Variants in LRRN2 observed in about 807,000 individuals in gnomAD.
The protein encoded by LRRN2 is leucine rich repeat neuronal 2, also known as leucine-rich repeat neuronal protein 2.
A neutral mutation model predicts 35.7 loss-of-function variants in LRRN2; 10 were observed. That is an observed-to-expected ratio of 0.28 (90% confidence interval 0.17 to 0.47). LRRN2 has a LOEUF of 0.47. Ranked by LOEUF, LRRN2 falls within the 20% of genes least tolerant of loss-of-function variation. The probability of loss-of-function intolerance (pLI) is 0.99; values close to 1 mark genes in which losing one functional copy is unlikely to be tolerated. For missense variants in LRRN2, 731 were observed against 940.3 expected, an observed-to-expected ratio of 0.78 and a Z score of 2.91; for synonymous variants, 391 against 409.6, an observed-to-expected ratio of 0.95 and a Z score of 0.55.
At chr1:204,625,521 T>G (rs1667277824) in intron 1 of LRRN2, among the ~76,000 whole-genome samples, 1 of 152,172 alleles carries the variant, frequency 6.6e-6, no homozygotes, top group Non-Finnish European at 1.5e-5. Flanking sequence ...GATCCCAACA[T>G]GCATAGGTAC....
intron 1 of LRRN2, among the ~76,000 whole-genome samples, chr1:204,631,259 T>C (rs1407494869): frequency 1.1e-4 from 3 of 28,182 alleles, no homozygotes; most frequent in Non-Finnish European, 1.3e-4. Flanking sequence ...GAGTGTTCTA[T>C]ATATATATAT....
rs138976821 is a variant in LRRN2 at position 204,678,661 on chromosome 1, C to T, written c.-227+6659G>A. ...CCGCCTCTGACTCTCCAGGCACAGC[C>T]CTGCATCCCTGCCCTTGCACCTGCT... is the stretch of plus-strand genomic sequence containing the variant. On this transcript the variant is annotated intron_variant, in intron 1 of 1. Transcript: ENST00000367177. 4.9e-3 allele frequency among the ~76,000 whole-genome samples: 743 copies of T among 152,272 alleles called. 2 individuals carry two copies. The highest frequency in any genetic ancestry group is 8.4e-3 in the Non-Finnish European group (571 of 68,018).
intron 1 of LRRN2, among the ~76,000 whole-genome samples, chr1:204,645,571 C>A (rs1668086848): frequency 6.6e-6 from 1 of 152,150 alleles, no homozygotes; most frequent in Non-Finnish European, 1.5e-5. Context: ...GCAGGTATTA[C>A]CATCTCCATG....
chr1:204,643,234 G>C (rs953661217), intron 1 of LRRN2, among the ~76,000 whole-genome samples: 3 of 152,210 alleles, frequency 2.0e-5, no homozygotes, highest in Non-Finnish European at 2.9e-5. Context: ...TTATAAATGT[G>C]TTCCCCCAGC....
At chr1:204,624,590 A>G (rs921862961) in intron 1 of LRRN2, among the ~76,000 whole-genome samples, 4 of 152,204 alleles carry the variant, frequency 2.6e-5, no homozygotes, top group Non-Finnish European at 5.9e-5. Flanking sequence ...ACCTTTGGCA[A>G]AGGTCTGAAG....
intron 1 of LRRN2, among the ~76,000 whole-genome samples, chr1:204,649,686 C>T (rs12136166): frequency 0.64 from 97,178 of 151,986 alleles, 31,236 homozygotes; most frequent in East Asian, 0.87. Flanking sequence ...TTCTCCTCTC[C>T]AGGCCTTAAT....
At chr1:204,676,298 A>G (rs1668822826) in intron 1 of LRRN2, among the ~76,000 whole-genome samples, 1 of 152,210 alleles carries the variant, frequency 6.6e-6, no homozygotes. Context: ...ATTCATGAAC[A>G]GTCCCAGATT....
chr1:204,620,129 T>C lies in LRRN2; in HGVS notation c.-137A>G, dbSNP rs1269929933. The C allele has an allele frequency of 2.4e-5, 35 of 1,466,394 alleles. No homozygotes were observed. The East Asian group carries it at 8.0e-4, about 33-fold the overall frequency. The allele number at this position is 1,466,394 out of a possible 1,614,324, so 90.8% of individuals were successfully genotyped here. On this transcript the variant is annotated 5_prime_UTR_variant, in exon 2 of 2. An upstream open reading frame in the 5' UTR loses its in-frame stop. Transcript: ENST00000367177. ...CAGGGCAGTCATTCTACACCGGGCGTCACTTCTTGCCCTCCTCAATATGCC... is the reference window on the plus strand; with the variant it reads ...CAGGGCAGTCATTCTACACCGGGCGCCACTTCTTGCCCTCCTCAATATGCC...
At chr1:204,684,425 G>C (rs1449577104) in intron 1 of LRRN2, among the ~76,000 whole-genome samples, 1 of 152,188 alleles carries the variant, frequency 6.6e-6, no homozygotes, top group Non-Finnish European at 1.5e-5. Flanking sequence ...GGGGGAGGAA[G>C]GGTAGGGAGC....
rs138762072 is a variant in LRRN2 at position 204,655,334 on chromosome 1, C to A, written c.-227+29986G>T. On this transcript the variant is annotated intron_variant, in intron 1 of 1. Transcript: ENST00000367177. ...ACAGGGTCTTGCTCTGTCACCCAGG[C>A]TGGAGTGCAGTGGCGCGATCTGGGG... Among the ~76,000 whole-genome samples the A allele has an allele frequency of 5.6e-3, 856 of 152,368 alleles. 12 individuals are homozygous for A. The highest frequency in any genetic ancestry group is 0.019 in the African/African-American group (790 of 41,584).
chr1:204,648,278 G>A (rs1462591949), intron 1 of LRRN2, among the ~76,000 whole-genome samples: 1 of 152,168 alleles, frequency 6.6e-6, no homozygotes, highest in Non-Finnish European at 1.5e-5. Flanking sequence ...AGAGGGCCTG[G>A]GCAGGGTGCA....
intron 1 of LRRN2, chr1:204,622,274 A>G (rs1404545482): frequency 6.2e-6 from 1 of 162,014 alleles, no homozygotes; most frequent in Non-Finnish European, 1.5e-5. Context: ...TCCTGCCACC[A>G]TCCAGGCAGG....
chr1:204,618,111 G>A lies in LRRN2; in HGVS notation c.1882C>T (p.Arg628Cys), dbSNP rs769164284. ...GCCAGGATGGCAATGAGCCCAGGAC[G>A]GTCCCCTAAGGCTCTGTGGCAAGAA... Reference protein sequence around the residue: ...ATSCHRALGDRPGLIAILALA... With the variant: ...ATSCHRALGDCPGLIAILALA... The change falls in exon 2 of 2, where the codon CGT becomes TGT. Residue 628 changes from arginine to cysteine, a missense_variant. Coordinates refer to ENST00000367177, the MANE Select transcript of LRRN2 (RefSeq NM_201630.2). 5.6e-6 allele frequency: 9 copies of A among 1,614,070 alleles called. No individual in the cohort carries two copies. Among genetic ancestry groups the A allele is most frequent in the Non-Finnish European group, 6.8e-6 (8 of 1,179,968 alleles).
intron 1 of LRRN2, among the ~76,000 whole-genome samples, chr1:204,646,808 T>A (rs1334493160): frequency 6.6e-6 from 1 of 152,272 alleles, no homozygotes; most frequent in South Asian, 2.1e-4. Context: ...GGGCTTGCAT[T>A]ATATTTCTAT....
rs563418407 is a variant in LRRN2, at chr1:204,638,536, G to C, written c.-226-18318C>G. On this transcript the variant is annotated intron_variant, in intron 1 of 1. Transcript: ENST00000367177. ...AAGCAATTCTCTGCCTCAGCCTCCGGAGTAGCTGAGATTACAGGCATGTGC... is the reference window on the plus strand; with the variant it reads ...AAGCAATTCTCTGCCTCAGCCTCCGCAGTAGCTGAGATTACAGGCATGTGC... Among the ~76,000 whole-genome samples the C allele has an allele frequency of 9.3e-5, 14 of 149,752 alleles. 1 individual carries two copies. The East Asian group carries it at 2.8e-3, about 30-fold the overall frequency.
At chr1:204,653,871 A>G (rs1668286353) in intron 1 of LRRN2, among the ~76,000 whole-genome samples, 1 of 151,014 alleles carries the variant, frequency 6.6e-6, no homozygotes, top group Admixed American at 6.6e-5. Flanking sequence ...CAAAAAAAAA[A>G]AAAAAGAAAA....
chr1:204,673,888 G>A (rs780838705), intron 1 of LRRN2, among the ~76,000 whole-genome samples: 1 of 152,124 alleles, frequency 6.6e-6, no homozygotes, highest in Non-Finnish European at 1.5e-5. Flanking sequence ...GAAGCAGCAA[G>A]GATCTGTCCT....
At chr1:204,651,720 C>G (rs920484050) in intron 1 of LRRN2, among the ~76,000 whole-genome samples, 2 of 152,136 alleles carry the variant, frequency 1.3e-5, no homozygotes, top group African/African-American at 4.8e-5. Flanking sequence ...AAAAAGCATC[C>G]CAAGGGAAGT....
chr1:204,662,840 C>T (rs1668499261), intron 1 of LRRN2, among the ~76,000 whole-genome samples: 1 of 152,106 alleles, frequency 6.6e-6, no homozygotes, highest in Admixed American at 6.5e-5. Context: ...TGAAGATGTC[C>T]CTCCCTACTT....
Sources: gnomAD v4.1 joint callset for allele counts (sites outside exome capture counted in the v4.1 genomes callset) on GRCh38, gnomAD v4.1.1 for gene constraint, MANE v1.5 for transcripts, NCBI Gene and HGNC (gene_info 2026-07-23, HGNC 2026-07-21) for gene names.